Variants in ACOX1 observed in about 807,000 individuals in gnomAD.
ACOX1 encodes the protein peroxisomal acyl-coenzyme A oxidase 1.
Under a neutral mutation model 75.5 loss-of-function variants are expected in ACOX1, and 41 were observed. The observed-to-expected ratio is 0.54, with a 90% confidence interval of 0.42 to 0.70. The LOEUF (loss-of-function observed/expected upper bound fraction) is 0.70, where lower values mean the gene tolerates loss of function less well. Ranked by LOEUF, ACOX1 falls within the 30% of genes least tolerant of loss-of-function variation. The probability of loss-of-function intolerance (pLI) is 0.00; values close to 1 mark genes in which losing one functional copy is unlikely to be tolerated. For missense variants in ACOX1, 630 were observed against 837.5 expected (o/e 0.75, Z 3.06); for synonymous variants, 303 against 298.8 (o/e 1.01, Z -0.15).
Position 75,946,581 on chromosome 17 carries a change from CT to C in ACOX1, c.*166del. 1 of 666,828 alleles carries C rather than the reference CT, an allele frequency of 1.5e-6. No individual in the cohort carries two copies. Among genetic ancestry groups the C allele is most frequent in the Non-Finnish European group, 2.7e-6 (1 of 372,370 alleles). 41.3% of individuals were successfully genotyped at this position (666,828 alleles called of 1,614,324 possible). A position where few individuals can be genotyped will look rare whatever the true frequency, so the allele number is the denominator to read the frequency against. ...GTGTTAATTGCACTTAAAACATCTGCTTTTTTTCATTTAATCTCTGAAATCT... is the reference window on the plus strand; with the variant it reads ...GTGTTAATTGCACTTAAAACATCTGCTTTTTTCATTTAATCTCTGAAATCT... On this transcript the variant is annotated 3_prime_UTR_variant, in exon 14 of 14. Transcript: ENST00000293217.
At chr17:75,952,423 T>G (rs1436005546) in intron 7 of ACOX1, among the ~76,000 whole-genome samples, 1 of 151,392 alleles carries the variant, frequency 6.6e-6, no homozygotes, top group Non-Finnish European at 1.5e-5. Flanking sequence ...GTCTCCCGAG[T>G]AGCTGGAATT....
In ACOX1 at chr17:75,978,421, A is replaced by C; in HGVS notation, c.269+113T>G. ...CATATAACTTTATAAAGTTGCATGA[A>C]AATATGCCAGTTTGCATCTTCAAAC... is the stretch of plus-strand genomic sequence containing the variant. On this transcript the variant is annotated intron_variant, in intron 2 of 13. Coordinates refer to ENST00000293217, the MANE Select transcript of ACOX1 (RefSeq NM_004035.7). The surrounding 1 kb of genome is among the most constrained non-coding windows in gnomAD (Gnocchi z 4.2). 1.3e-5 allele frequency: 18 copies of C among 1,424,566 alleles called. No homozygotes were observed. The highest frequency in any genetic ancestry group is 1.8e-5 in the Non-Finnish European group (18 of 1,013,978). The allele number at this position is 1,424,566 out of a possible 1,614,324, so 88.2% of individuals were successfully genotyped here. A position where few individuals can be genotyped will look rare whatever the true frequency, so the allele number is the denominator to read the frequency against.
intron 12 of ACOX1, among the ~76,000 whole-genome samples, chr17:75,948,784 C>A (rs540254928): frequency 4.9e-4 from 75 of 151,946 alleles, no homozygotes; most frequent in Non-Finnish European, 9.9e-4. Flanking sequence ...GAACTCCCGA[C>A]CTCAGGTGAT....
chr17:75,979,154 G>A lies in ACOX1; in HGVS notation c.-81C>T. The A allele has an allele frequency of 6.4e-7, 1 of 1,554,374 alleles. No individual in the cohort carries two copies. On this transcript the variant is annotated 5_prime_UTR_variant, in exon 1 of 14. Transcript: ENST00000293217. ...AAATCCGCAGCTCCAGCGCCGGCCGGACCCTAGGAGGCAGCCTCAGGACGG... is the reference window on the plus strand; with the variant it reads ...AAATCCGCAGCTCCAGCGCCGGCCGAACCCTAGGAGGCAGCCTCAGGACGG...
At chr17:75,970,201 AG>A (rs2065981071) in intron 2 of ACOX1, among the ~76,000 whole-genome samples, 2 of 149,938 alleles carry the variant, frequency 1.3e-5, no homozygotes, top group South Asian at 2.1e-4. Flanking sequence ...AAAAAAAAAA[AG>A]AGGAAGGAAG....
chr17:75,950,838 C>T lies in ACOX1; in HGVS notation c.1234G>A (p.Val412Ile), dbSNP rs1261780474. 1 of 1,614,158 alleles carries T rather than the reference C, an allele frequency of 6.2e-7. No homozygotes were observed. Among genetic ancestry groups the T allele is most frequent in the Admixed American group, 1.7e-5 (1 of 60,004 alleles). ...SHCSGLPNIY[V>I]NFTPSCTFEG... ...AAGGTACAGCTTGGGGTGAAATTGA[C>T]ATAAATATTTGGAAGACCACTGCAA... The change falls in exon 9 of 14, where the codon GTC (valine) becomes ATC (isoleucine). Residue 412 changes from valine to isoleucine, a missense_variant. Val to Ile is a conservative substitution (Grantham distance 29, BLOSUM62 3). Transcript: ENST00000293217. The surrounding 1 kb of genome is among the most constrained non-coding windows in gnomAD (Gnocchi z 4.3).
rs2065721382 is a variant in ACOX1, at chr17:75,946,470, T to C, written c.*278A>G. The C allele has an allele frequency of 4.7e-6, 2 of 429,278 alleles. No individual in the cohort carries two copies. Among genetic ancestry groups the C allele is most frequent in the Admixed American group, 3.5e-5 (1 of 28,240 alleles). The allele number at this position is 429,278 out of a possible 1,614,324, so 26.6% of individuals were successfully genotyped here. On this transcript the variant is annotated 3_prime_UTR_variant, in exon 14 of 14. Coordinates refer to ENST00000293217, the MANE Select transcript of ACOX1 (RefSeq NM_004035.7). Reference sequence around the variant, plus strand: ...AAATTCTGCTAATTATCAAAAGTCATAGTCTACTGGGATCAGCAGCATTAC... The same window carrying C: ...AAATTCTGCTAATTATCAAAAGTCACAGTCTACTGGGATCAGCAGCATTAC...
chr17:75,967,553 T>C (rs1475696415), intron 2 of ACOX1, among the ~76,000 whole-genome samples: 1 of 148,702 alleles, frequency 6.7e-6, no homozygotes, highest in South Asian at 2.1e-4. Context: ...GTTAAATATA[T>C]AAAGCAAAAA....
At chr17:75,976,799 T>C (rs1340470437) in intron 2 of ACOX1, among the ~76,000 whole-genome samples, 1 of 152,098 alleles carries the variant, frequency 6.6e-6, no homozygotes. Context: ...ACATGTTCTA[T>C]TTAGCTTGGT....
At position 75,978,805 on chromosome 17, in the gene ACOX1, T is replaced by C. The variant is rs3744034; in HGVS notation, c.110-112A>G. On this transcript the variant is annotated intron_variant, in intron 1 of 13. Coordinates refer to ENST00000293217, the MANE Select transcript of ACOX1 (RefSeq NM_004035.7). This position sits in a 1 kb window ranked among gnomAD's most constrained non-coding sequence, Gnocchi z 4.2. ...CGCGGACACACCTGGGGAATGGCGATATCCCCCCACCAGGGACACAGGCTG... is the reference window on the plus strand; with the variant it reads ...CGCGGACACACCTGGGGAATGGCGACATCCCCCCACCAGGGACACAGGCTG... 0.055 allele frequency: 88,434 copies of C among 1,604,048 alleles called. 2,732 individuals are homozygous for C. The highest frequency in any genetic ancestry group is 0.13 in the East Asian group (6,037 of 44,846).
At chr17:75,948,801 G>A (rs1163372548) in intron 12 of ACOX1, among the ~76,000 whole-genome samples, 6 of 151,414 alleles carry the variant, frequency 4.0e-5, no homozygotes, top group South Asian at 2.1e-4. Context: ...TGATCTGCCC[G>A]CCTTGGCCAA....
At chr17:75,976,991 C>CTTTTTTTTTTT (rs1019883355) in intron 2 of ACOX1, among the ~76,000 whole-genome samples, 1 of 78,902 alleles carries the variant, frequency 1.3e-5, no homozygotes, top group African/African-American at 5.1e-5. Context: ...GCAAAAAAGT[C>CTTTTTTTTTTT]TTTTTTTTTT....
chr17:75,954,445 C>T (rs1244822105), intron 6 of ACOX1, among the ~76,000 whole-genome samples: 1 of 146,978 alleles, frequency 6.8e-6, no homozygotes, highest in Non-Finnish European at 1.5e-5. Flanking sequence ...ATCGCTTGAA[C>T]CCAGGAGGCG....
At position 75,949,595 on chromosome 17, in the gene ACOX1, A is replaced by G; in HGVS notation, c.1484T>C (p.Val495Ala). ...TTGAAGGTTTTTTGCAGCAATTTCT[A>G]CTAATCTGTTAAGACATAGATTGGA... ...EAYKLRAARL[V>A]EIAAKNLQKE... is the part of the protein sequence containing the mutation. The change falls in exon 11 of 14, where the codon GTA becomes GCA. Residue 495 changes from valine (V) to alanine (A), a missense_variant. Val to Ala is a moderately conservative substitution (Grantham distance 64). Around this residue, in one of 2 missense-constraint regions of ACOX1, gnomAD observed 240 missense variants for 262.7 expected, o/e 0.91. Coordinates refer to ENST00000293217, the MANE Select transcript of ACOX1 (RefSeq NM_004035.7). The G allele has an allele frequency of 6.2e-7, 1 of 1,614,174 alleles. No individual in the cohort carries two copies. Among genetic ancestry groups the G allele is most frequent in the South Asian group, 1.1e-5 (1 of 91,080 alleles).
Position 75,960,585 on chromosome 17 carries a change from G to C in ACOX1, c.270-210C>G, listed in dbSNP as rs148965952. On this transcript the variant is annotated intron_variant, in intron 2 of 13. Coordinates refer to ENST00000293217, the MANE Select transcript of ACOX1 (RefSeq NM_004035.7). This position sits in a 1 kb window ranked among gnomAD's most constrained non-coding sequence, Gnocchi z 4.4. ...TTTTTCCTGAGTCGGCAAGGAGTAC[G>C]AGGACAGGGATTGGTTACTGATTCC... Among the ~76,000 whole-genome samples, 306 of 152,280 alleles carry C rather than the reference G, an allele frequency of 2.0e-3. 2 individuals are homozygous for C. The highest frequency in any genetic ancestry group is 3.3e-3 in the Non-Finnish European group (226 of 68,020).
At position 75,950,084 on chromosome 17, in the gene ACOX1, C is replaced by T. The variant is rs1288323214; in HGVS notation, c.1299-187G>A. Among the ~76,000 whole-genome samples, 2 of 151,650 alleles carry T rather than the reference C, an allele frequency of 1.3e-5. No homozygotes were observed. The highest frequency in any genetic ancestry group is 2.9e-5 in the Non-Finnish European group (2 of 67,906). On this transcript the variant is annotated intron_variant, in intron 9 of 13. Transcript: ENST00000293217. This position sits in a 1 kb window ranked among gnomAD's most constrained non-coding sequence, Gnocchi z 4.3. ...TCAGCCTCCCAAGTAGCTGGGACTA[C>T]AGGCACCTGCCACCATTCCTGGCTA...
intron 2 of ACOX1, among the ~76,000 whole-genome samples, chr17:75,964,862 A>G (rs1218932162): frequency 6.6e-6 from 1 of 152,208 alleles, no homozygotes; most frequent in Non-Finnish European, 1.5e-5. Flanking sequence ...TCCACATGAT[A>G]CAAGGCTGGA....
At chr17:75,965,115 A>C (rs770996304) in intron 2 of ACOX1, among the ~76,000 whole-genome samples, 2 of 152,146 alleles carry the variant, frequency 1.3e-5, no homozygotes, top group South Asian at 4.1e-4. Flanking sequence ...AGGAGGGCGC[A>C]TCACGAGGTC....
intron 3 of ACOX1, 119 bp from the exon 4 acceptor site, chr17:75,957,685 A>C (rs1453196716): frequency 2.2e-5 from 16 of 716,550 alleles, no homozygotes; most frequent in Non-Finnish European, 3.4e-5. Context: ...AAATCTAACA[A>C]AAAACACCTG....
Sources: allele counts gnomAD v4.1 joint callset (sites outside exome capture counted in the v4.1 genomes callset), GRCh38; gene constraint gnomAD v4.1.1; regional missense constraint gnomAD v4.1.1; non-coding constraint Gnocchi (gnomAD v3.1); transcripts MANE v1.5; gene names NCBI Gene and HGNC (gene_info 2026-07-23, HGNC 2026-07-21).